Variants in FMN1 observed in about 807,000 individuals in gnomAD.
The protein encoded by FMN1 is formin 1.
FMN1 carries 110 observed loss-of-function variants against 132.4 expected under a neutral mutation model. The observed-to-expected ratio is 0.83, with a 90% CI of 0.71 to 0.97. The LOEUF (loss-of-function observed/expected upper bound fraction) is 0.97, where lower values mean the gene tolerates loss of function less well. FMN1 is among the 50% of genes least tolerant of loss of function. The probability of loss-of-function intolerance (pLI) is 0.00; values close to 1 mark genes in which losing one functional copy is unlikely to be tolerated. For missense variants in FMN1, 1,792 were observed against 1,705.3 expected (o/e 1.05, Z -0.90); for synonymous variants, 722 against 651.7 (o/e 1.11, Z -1.64).
intron 16 of FMN1, among the ~76,000 whole-genome samples, chr15:32,882,555 T>C (rs372073367): frequency 1.4e-4 from 21 of 152,320 alleles, no homozygotes; most frequent in African/African-American, 5.1e-4. Context: ...TTGTTTAGAA[T>C]TGCTAGTGCA....
chr15:32,807,512 T>C (rs1161104803), intron 17 of FMN1, among the ~76,000 whole-genome samples: 1 of 152,168 alleles, frequency 6.6e-6, no homozygotes, highest in African/African-American at 2.4e-5. Flanking sequence ...GGAGGAAAAA[T>C]TCCTCTGAGG....
intron 4 of FMN1, among the ~76,000 whole-genome samples, chr15:33,109,712 G>A (rs1247635286): frequency 4.0e-5 from 6 of 151,706 alleles, no homozygotes; most frequent in African/African-American, 1.5e-4. Flanking sequence ...AGGAGGGAGA[G>A]AAACAGAAAC....
chr15:32,933,763 C>T (rs1350382115), intron 9 of FMN1, among the ~76,000 whole-genome samples: 1 of 152,082 alleles, frequency 6.6e-6, no homozygotes, highest in Non-Finnish European at 1.5e-5. Flanking sequence ...TATGGCCACC[C>T]TGCTGTCTTT....
intron 4 of FMN1, among the ~76,000 whole-genome samples, chr15:33,101,899 A>C (rs1393521570): frequency 6.6e-6 from 1 of 152,124 alleles, no homozygotes; most frequent in Non-Finnish European, 1.5e-5. Context: ...TTCCAGCTGT[A>C]CTGGGCTGCT....
intron 16 of FMN1, among the ~76,000 whole-genome samples, chr15:32,874,761 G>T (rs912840705): frequency 5.9e-5 from 9 of 152,190 alleles, no homozygotes; most frequent in Non-Finnish European, 1.2e-4. Flanking sequence ...AATTCGCAGT[G>T]AACTCAGTGC....
In FMN1 at chr15:33,024,223, A is replaced by ATTTTTTTTTT. The variant is rs555760509; in HGVS notation, c.2162-16158_2162-16149dup. ...GGGAATACTATTTCACACCTATCAGATTTTTTTTTTTTTTTTTTTTTTTTT... is the reference window on the plus strand; with the variant it reads ...GGGAATACTATTTCACACCTATCAGATTTTTTTTTTTTTTTTTTTTTTTTTTTTTTTTTTT... On this transcript the variant is annotated intron_variant, in intron 6 of 20. Transcript: ENST00000616417. 7.0e-4 allele frequency among the ~76,000 whole-genome samples: 62 copies of ATTTTTTTTTT among 88,012 alleles called. 10 individuals carry two copies. Among genetic ancestry groups the ATTTTTTTTTT allele is most frequent in the East Asian group, 2.4e-3 (5 of 2,086 alleles). 57.7% of individuals were successfully genotyped at this position (88,012 alleles called of 152,430 possible).
At chr15:33,006,954 G>T (rs1330665480) in intron 7 of FMN1, among the ~76,000 whole-genome samples, 1 of 152,104 alleles carries the variant, frequency 6.6e-6, no homozygotes, top group Non-Finnish European at 1.5e-5. Flanking sequence ...TCAGTTAGAT[G>T]TGAGAAATAA....
intron 7 of FMN1, among the ~76,000 whole-genome samples, chr15:32,995,422 G>T (rs1269632998): frequency 1.3e-5 from 2 of 152,152 alleles, no homozygotes; most frequent in Non-Finnish European, 2.9e-5. Context: ...GGTCCTCAGT[G>T]TAAGCTGAGT....
intron 9 of FMN1, among the ~76,000 whole-genome samples, chr15:32,960,336 C>T (rs965867535): frequency 5.3e-5 from 8 of 152,172 alleles, no homozygotes; most frequent in Non-Finnish European, 8.8e-5. Context: ...AATCCACCCC[C>T]ATGATTTAAT....
intron 15 of FMN1, among the ~76,000 whole-genome samples, chr15:32,892,567 C>T (rs1353944547): frequency 6.6e-6 from 1 of 152,160 alleles, no homozygotes; most frequent in African/African-American, 2.4e-5. Flanking sequence ...GTGACGCTTG[C>T]TTCATAAAAT....
chr15:33,013,411 T>TA (rs888856963), intron 6 of FMN1, among the ~76,000 whole-genome samples: 15 of 152,086 alleles, frequency 9.9e-5, no homozygotes, highest in Non-Finnish European at 2.1e-4. Context: ...CTTTTATTTT[T>TA]AAAAAAAGAA....
chr15:32,957,316 T>TTTTTG (rs71691213), intron 9 of FMN1, among the ~76,000 whole-genome samples: 3 of 146,486 alleles, frequency 2.0e-5, no homozygotes, highest in African/African-American at 2.5e-5. Context: ...TTTTTTTTTT[T>TTTTTG]TTTTTTTTTA....
intron 9 of FMN1, among the ~76,000 whole-genome samples, chr15:32,927,095 C>A (rs2060980983): frequency 1.3e-5 from 2 of 152,036 alleles, no homozygotes; most frequent in African/African-American, 4.8e-5. Context: ...TTGCACCTGG[C>A]CTATACATTT....
intron 16 of FMN1, among the ~76,000 whole-genome samples, chr15:32,876,398 T>G (rs1321782167): frequency 6.6e-6 from 1 of 152,168 alleles, no homozygotes; most frequent in Non-Finnish European, 1.5e-5. Context: ...GTAGTCAGGA[T>G]TAGGTCCTGG....
At chr15:32,798,218 C>CACACACA (rs2057359016) in intron 19 of FMN1, among the ~76,000 whole-genome samples, 1 of 133,914 alleles carries the variant, frequency 7.5e-6, no homozygotes, top group African/African-American at 3.1e-5. Context: ...ACACACACAC[C>CACACACA]CCGTCTATAT....
intron 4 of FMN1, among the ~76,000 whole-genome samples, chr15:33,126,772 G>T (rs939167208): frequency 1.3e-5 from 2 of 152,190 alleles, no homozygotes; most frequent in African/African-American, 2.4e-5. Context: ...CAGATTACTG[G>T]AACAGCCAGT....
chr15:33,070,848 T>C (rs2037970796), intron 5 of FMN1, among the ~76,000 whole-genome samples: 1 of 152,146 alleles, frequency 6.6e-6, no homozygotes, highest in South Asian at 2.1e-4. Context: ...ATAACAACCA[T>C]ATTATGAGTT....
intron 7 of FMN1, among the ~76,000 whole-genome samples, chr15:33,001,764 G>C (rs536720965): frequency 4.5e-5 from 6 of 133,798 alleles, no homozygotes; most frequent in Non-Finnish European, 3.1e-5. Context: ...CCCTCGCTCA[G>C]GCTGGACTGC....
intron 4 of FMN1, among the ~76,000 whole-genome samples, chr15:33,103,776 T>C (rs2140089378): frequency 6.6e-6 from 1 of 152,232 alleles, no homozygotes; most frequent in Admixed American, 6.5e-5. Flanking sequence ...TTCTATTCTA[T>C]TACACCTTGA....
Sources: gnomAD v4.1 joint callset for allele counts (sites outside exome capture counted in the v4.1 genomes callset) on GRCh38, gnomAD v4.1.1 for gene constraint, MANE v1.5 for transcripts, NCBI Gene and HGNC (gene_info 2026-07-23, HGNC 2026-07-21) for gene names.